FLG2: variants seen among roughly 807,000 people sequenced by gnomAD.
FLG2 encodes filaggrin-2.
FLG2 carries 7 observed loss-of-function variants against 3.9 expected under a neutral mutation model. That is an observed-to-expected ratio of 1.79 (90% CI 1.02 to 3.36). FLG2 has a LOEUF of 3.36. Ranked by LOEUF, FLG2 falls within the 30% of genes most tolerant of loss-of-function variation. FLG2 has a pLI of 0.00. For synonymous variants in FLG2, 1,031 were observed against 1,056.1 expected (o/e 0.98, Z 0.46); for missense variants, 2,700 against 2,809.4 (o/e 0.96, Z 0.88).
chr1:152,357,384 C>G lies in FLG2; in HGVS notation c.402G>C (p.Trp134Cys), dbSNP rs535352414. Reference protein sequence around the residue: ...GHKSGYRHSSWSEGEEHGYSS... With the variant: ...GHKSGYRHSSCSEGEEHGYSS... ...TATATCCATGCTCCTCTCCCTCACT[C>G]CAACTTGAATGTCTGTAACCTGATT... The change falls in exon 3 of 3, where the codon TGG (tryptophan) becomes TGC (cysteine). Residue 134 changes from tryptophan (W) to cysteine (C), a missense_variant. By Grantham distance (215) the Trp-to-Cys change is radical. Coordinates refer to ENST00000388718, the MANE Select transcript of FLG2 (RefSeq NM_001014342.3). 6.2e-7 allele frequency: 1 copy of G among 1,614,184 alleles called. No homozygotes were observed. The highest frequency in any genetic ancestry group is 1.7e-5 in the Admixed American group (1 of 60,022).
At position 152,349,561 on chromosome 1, in the gene FLG2, T is replaced by C. The variant is rs189315357; in HGVS notation, c.*1049A>G. On this transcript the variant is annotated 3_prime_UTR_variant, in exon 3 of 3. Coordinates refer to ENST00000388718, the MANE Select transcript of FLG2 (RefSeq NM_001014342.3). ...TAGTTAAAATGAAAGAACAGACATA[T>C]ACCCTTACTACCAAAAGAGGAGATC... 1.3e-5 allele frequency: 2 copies of C among 152,790 alleles called. No individual in the cohort carries two copies. Among genetic ancestry groups the C allele is most frequent in the Admixed American group, 1.3e-4 (2 of 15,300 alleles). The allele number at this position is 152,790 out of a possible 1,614,324, so 9.5% of individuals were successfully genotyped here. A position where few individuals can be genotyped will look rare whatever the true frequency, so the allele number is the denominator to read the frequency against.
Position 152,353,739 on chromosome 1 carries a change from A to C in FLG2, c.4047T>G (p.Asp1349Glu), listed in dbSNP as rs767972573. Residue 1349 changes from aspartate (D) to glutamate (E), a missense_variant, in exon 3 of 3, where the codon GAT becomes GAG. Coordinates refer to ENST00000388718, the MANE Select transcript of FLG2 (RefSeq NM_001014342.3). ...TSGRQRFSHS[D>E]ATDSEVHSGV... ...CTGAGTGCACTTCACTGTCAGTGGC[A>C]TCACTGTGGCTAAATCTCTGTCTTC... 1.2e-6 allele frequency: 2 copies of C among 1,613,292 alleles called. No homozygotes were observed. Among genetic ancestry groups the C allele is most frequent in the African/African-American group, 2.7e-5 (2 of 74,644 alleles).
chr1:152,350,637 A>T lies in FLG2; in HGVS notation c.7149T>A (p.Thr2383=), dbSNP rs1653869216. The T allele has an allele frequency of 6.2e-7, 1 of 1,613,844 alleles. No individual in the cohort carries two copies. The highest frequency in any genetic ancestry group is 1.7e-5 in the Admixed American group (1 of 60,002). ...NSHLSWSTDS[T]ANKQLSRH ...AATGTCTAGACAGTTGCTTGTTTGC[A>T]GTGCTGTCTGTTGACCATGAAAGGT... Residue 2383 remains threonine (T), a synonymous_variant, in exon 3 of 3, where the codon ACT becomes ACA. Coordinates refer to ENST00000388718, the MANE Select transcript of FLG2 (RefSeq NM_001014342.3).
chr1:152,354,630 T>C lies in FLG2; in HGVS notation c.3156A>G (p.Gly1052=). The part of the protein sequence containing the change: ...GSGSDQSSGF[G]QHGTGSGQSS... ...ATTGTCCTGAACCAGTCCCATGTTGTCCAAAGCCAGAGGACTGATCTGAGC... is the reference window on the plus strand; with the variant it reads ...ATTGTCCTGAACCAGTCCCATGTTGCCCAAAGCCAGAGGACTGATCTGAGC... Residue 1052 remains glycine, a synonymous_variant, in exon 3 of 3, where the codon GGA becomes GGG. Coordinates refer to ENST00000388718, the MANE Select transcript of FLG2 (RefSeq NM_001014342.3). The C allele has an allele frequency of 6.2e-7, 1 of 1,613,810 alleles. No homozygotes were observed. Among genetic ancestry groups the C allele is most frequent in the Non-Finnish European group, 8.5e-7 (1 of 1,179,956 alleles).
At position 152,355,879 on chromosome 1, in the gene FLG2, G is replaced by A. The variant is rs1570942730; in HGVS notation, c.1907C>T (p.Ser636Phe). Reference sequence around the variant, plus strand: ...TTGTCCAAAGCCAGATGTCTGTCTAGACCCATGTTGGCCATAGCCAGATGA... The same window carrying A: ...TTGTCCAAAGCCAGATGTCTGTCTAAACCCATGTTGGCCATAGCCAGATGA... ...SQSSGYGQHG[S>F]RQTSGFGQHG... Residue 636 changes from serine to phenylalanine, a missense_variant, in exon 3 of 3, where the codon TCT becomes TTT. Physicochemically the swap from Ser to Phe is radical, Grantham distance 155. Transcript: ENST00000388718. 1 of 1,611,886 alleles carries A rather than the reference G, an allele frequency of 6.2e-7. No homozygotes were observed. Among genetic ancestry groups the A allele is most frequent in the African/African-American group, 1.4e-5 (1 of 73,858 alleles).
At position 152,354,165 on chromosome 1, in the gene FLG2, T is replaced by C; in HGVS notation, c.3621A>G (p.Gln1207=). 2 of 1,614,260 alleles carry C rather than the reference T, an allele frequency of 1.2e-6. No homozygotes were observed. The highest frequency in any genetic ancestry group is 1.7e-6 in the Non-Finnish European group (2 of 1,180,036). ...SDSGQSTGFG[Q]YGSGSGQSTG... is the part of the protein sequence containing the mutation. ...TTGATTGACCTGAGCCTGAACCATA[T>C]TGGCCAAATCCAGTGGACTGACCTG... The change falls in exon 3 of 3, where the codon CAA becomes CAG. Residue 1207 remains glutamine (Q), a synonymous_variant. Coordinates refer to ENST00000388718, the MANE Select transcript of FLG2 (RefSeq NM_001014342.3).
chr1:152,351,083 A>C lies in FLG2; in HGVS notation c.6703T>G (p.Tyr2235Asp), dbSNP rs760884920. The change falls in exon 3 of 3, where the codon TAT (tyrosine) becomes GAT (aspartate). Residue 2235 changes from tyrosine (Y) to aspartate (D), a missense_variant. Physicochemically the swap from Tyr to Asp is radical, Grantham distance 160. Coordinates refer to ENST00000388718, the MANE Select transcript of FLG2 (RefSeq NM_001014342.3). ...CTCTGTGTGGATTGTCCATAACCAT[A>C]GTGGGCATGTCTAGTGGTATCTCCT... is the stretch of plus-strand genomic sequence containing the variant. ...QTGDTTRHAH[Y>D]GYGQSTQRGS... 3.1e-6 allele frequency: 5 copies of C among 1,613,028 alleles called. No homozygotes were observed. Among genetic ancestry groups the C allele is most frequent in the Middle Eastern group, 3.3e-4 (2 of 6,056 alleles).
chr1:152,355,505 G>A lies in FLG2; in HGVS notation c.2281C>T (p.His761Tyr). 1 of 1,612,924 alleles carries A rather than the reference G, an allele frequency of 6.2e-7. No homozygotes were observed. Among genetic ancestry groups the A allele is most frequent in the Non-Finnish European group, 8.5e-7 (1 of 1,179,818 alleles). Reference sequence around the variant, plus strand: ...CTAGACTGACCTGATCTAGACTCATGTTGTCCAAAGCCAGAGGATTGTCCT... The same window carrying A: ...CTAGACTGACCTGATCTAGACTCATATTGTCCAAAGCCAGAGGATTGTCCT... Reference protein sequence around the residue: ...GSGQSSGFGQHESRSGQSSYG... With the variant: ...GSGQSSGFGQYESRSGQSSYG... The change falls in exon 3 of 3, where the codon CAT becomes TAT. Residue 761 changes from histidine to tyrosine, a missense_variant. Transcript: ENST00000388718.
At position 152,352,069 on chromosome 1, in the gene FLG2, G is replaced by A; in HGVS notation, c.5717C>T (p.Ser1906Phe). 1 of 1,613,520 alleles carries A rather than the reference G, an allele frequency of 6.2e-7. No individual in the cohort carries two copies. The highest frequency in any genetic ancestry group is 8.5e-7 in the Non-Finnish European group (1 of 1,179,890). Reference sequence around the variant, plus strand: ...TGTGGATTCTGACTCTCCATGTTGAGACCTGGCTTGGCTGTGTGTGTGTCC... The same window carrying A: ...TGTGGATTCTGACTCTCCATGTTGAAACCTGGCTTGGCTGTGTGTGTGTCC... ...HSGHTHSQAR[S>F]QHGESESTVH... Residue 1906 changes from serine to phenylalanine, a missense_variant, in exon 3 of 3, where the codon TCT becomes TTT. Transcript: ENST00000388718.
chr1:152,350,309 C>T lies in FLG2; in HGVS notation c.*301G>A. The T allele has an allele frequency of 2.6e-6, 1 of 389,338 alleles. No individual in the cohort carries two copies. The highest frequency in any genetic ancestry group is 2.0e-5 in the African/African-American group (1 of 49,562). 24.1% of individuals were successfully genotyped at this position (389,338 alleles called of 1,614,324 possible). A position where few individuals can be genotyped will look rare whatever the true frequency, so the allele number is the denominator to read the frequency against. On this transcript the variant is annotated 3_prime_UTR_variant, in exon 3 of 3. Coordinates refer to ENST00000388718, the MANE Select transcript of FLG2 (RefSeq NM_001014342.3). ...CTGATTGAACTAGATTTTGAATGGC[C>T]ATGAACTGATATGGATTGTCCATGG...
rs201772954 is a variant in FLG2 at position 152,356,106 on chromosome 1, C to T, written c.1680G>A (p.Gly560=). The T allele has an allele frequency of 6.2e-7, 1 of 1,611,418 alleles. No homozygotes were observed. The highest frequency in any genetic ancestry group is 8.5e-7 in the Non-Finnish European group (1 of 1,179,526). ...GTCCAAAGCCAGATGTCTCTCTAGA[C>T]CCATATTGGCCATAGCCAGATGATT... is the stretch of plus-strand genomic sequence containing the variant. ...SSQSSGYGQY[G]SRETSGFGQH... is the part of the protein sequence containing the mutation. The change falls in exon 3 of 3, where the codon GGG becomes GGA. Residue 560 remains glycine (G), a synonymous_variant. Coordinates refer to ENST00000388718, the MANE Select transcript of FLG2 (RefSeq NM_001014342.3).
rs1654184006 is a variant in FLG2, at chr1:152,355,586, G to T, written c.2200C>A (p.Gln734Lys). ...GACTGACCTGAGCCTGATCCATGTT[G>T]GCCAAAGCTGGAAGACTGACCTGAG... ...LSSGQSSSFG[Q>K]HGSGSGQSSG... The change falls in exon 3 of 3, where the codon CAA (glutamine) becomes AAA (lysine). Residue 734 changes from glutamine (Q) to lysine (K), a missense_variant. Gln to Lys is a moderately conservative substitution (Grantham distance 53, BLOSUM62 1). Transcript: ENST00000388718. 1 of 1,613,548 alleles carries T rather than the reference G, an allele frequency of 6.2e-7. No individual in the cohort carries two copies.
In FLG2 at chr1:152,352,047, GGA is replaced by G; in HGVS notation, c.5737_5738del (p.Ser1913HisfsTer18). ...TAGTTTGGTGTCTCTTGTGAACTGT[GGA>G]TTCTGACTCTCCATGTTGAGACCTG... is the stretch of plus-strand genomic sequence containing the variant. ...QARSQHGESE[S>X]TVHKRHQTTH... On this transcript the variant is annotated frameshift_variant, in exon 3 of 3. Coordinates refer to ENST00000388718, the MANE Select transcript of FLG2 (RefSeq NM_001014342.3). LOFTEE classifies it low-confidence loss of function (END_TRUNC). 3 of 1,613,494 alleles carry G rather than the reference GGA, an allele frequency of 1.9e-6. No individual in the cohort carries two copies. Among genetic ancestry groups the G allele is most frequent in the Non-Finnish European group, 2.5e-6 (3 of 1,179,876 alleles).
rs574531606 is a variant in FLG2, at chr1:152,351,992, G to A, written c.5794C>T (p.His1932Tyr). The A allele has an allele frequency of 1.8e-4, 288 of 1,613,670 alleles. 2 individuals are homozygous for A. The highest frequency in any genetic ancestry group is 2.4e-4 in the Non-Finnish European group (281 of 1,179,952). The change falls in exon 3 of 3, where the codon CAT (histidine) becomes TAT (tyrosine). Residue 1932 changes from histidine (H) to tyrosine (Y), a missense_variant. Physicochemically the swap from His to Tyr is moderately conservative, Grantham distance 83. Transcript: ENST00000388718. ...GTTTGTCCATGACTAGGGTGGCCAT[G>A]TTCAGTGGTATCTCCTGTCTGTCCA... ...THGQTGDTTE[H>Y]GHPSHGQTIQ...
rs750652755 is a variant in FLG2 at position 152,351,597 on chromosome 1, G to A, written c.6189C>T (p.Ser2063=). Residue 2063 remains serine, a synonymous_variant, in exon 3 of 3, where the codon TCC becomes TCT. Transcript: ENST00000388718. The part of the protein sequence containing the change: ...QAGSQHGESG[S]SVHERHGTTH... ...TAGTTCCGTGTCTCTCATGAACTGA[G>A]GATCCTGACTCTCCATGTTGAGATC... 1 of 1,600,220 alleles carries A rather than the reference G, an allele frequency of 6.2e-7. No individual in the cohort carries two copies. The highest frequency in any genetic ancestry group is 1.1e-5 in the South Asian group (1 of 90,386).
chr1:152,350,036 C>T lies in FLG2; in HGVS notation c.*574G>A, dbSNP rs1287143617. The T allele has an allele frequency of 6.4e-6, 1 of 157,162 alleles. No individual in the cohort carries two copies. Among genetic ancestry groups the T allele is most frequent in the African/African-American group, 2.4e-5 (1 of 41,454 alleles). 9.7% of individuals were successfully genotyped at this position (157,162 alleles called of 1,614,324 possible). A position where few individuals can be genotyped will look rare whatever the true frequency, so the allele number is the denominator to read the frequency against. ...TGGCCATGGCTGTATACTTGTCTTT[C>T]ATTGGTACTGAATCCAGACTGACCC... is the stretch of plus-strand genomic sequence containing the variant. On this transcript the variant is annotated 3_prime_UTR_variant, in exon 3 of 3. Coordinates refer to ENST00000388718, the MANE Select transcript of FLG2 (RefSeq NM_001014342.3).
chr1:152,353,023 C>T lies in FLG2; in HGVS notation c.4763G>A (p.Gly1588Asp). Residue 1588 changes from glycine to aspartate, a missense_variant, in exon 3 of 3, where the codon GGC becomes GAC. Physicochemically the swap from Gly to Asp is moderately conservative, Grantham distance 94 (BLOSUM62 -1). Coordinates refer to ENST00000388718, the MANE Select transcript of FLG2 (RefSeq NM_001014342.3). ...ESTDSEVHSGGSHRPHSREHT... is the reference protein window; with the variant it reads ...ESTDSEVHSGDSHRPHSREHT... ...TTCTCGTGAGTGTGGTCTGTGTGAG[C>T]CCCCTGAGTGCACTTCACTGTCAGT... 6.2e-7 allele frequency: 1 copy of T among 1,607,306 alleles called. No homozygotes were observed. Among genetic ancestry groups the T allele is most frequent in the South Asian group, 1.1e-5 (1 of 90,734 alleles).
At chr1:152,358,692 C>T in intron 2 of FLG2, 55 bp downstream of exon 2, 3 of 1,573,600 alleles carry the variant, frequency 1.9e-6, no homozygotes, top group South Asian at 1.2e-5. Flanking sequence ...CTGGGTCATA[C>T]AACAGAGCTT....
At chr1:152,358,400 A>C in intron 2 of FLG2, among the ~76,000 whole-genome samples, 1 of 152,080 alleles carries the variant, frequency 6.6e-6, no homozygotes, top group Non-Finnish European at 1.5e-5. Flanking sequence ...TCAACTCCCT[A>C]TGTAGATGAT....
Sources: gnomAD v4.1 joint callset for allele counts (sites outside exome capture counted in the v4.1 genomes callset) on GRCh38, gnomAD v4.1.1 for gene constraint, MANE v1.5 for transcripts, NCBI Gene and HGNC (gene_info 2026-07-23, HGNC 2026-07-21) for gene names.